The following APBB1 variants were observed in gnomAD, a reference collection of about 807,000 sequenced individuals.
APBB1 encodes amyloid beta precursor protein binding family B member 1.
In APBB1, 22 loss-of-function variants were observed where a neutral mutation model predicts 78.4. That is an observed-to-expected ratio of 0.28 (90% CI 0.20 to 0.40). The LOEUF (loss-of-function observed/expected upper bound fraction) is 0.40, where lower values mean the gene tolerates loss of function less well. APBB1 is among the 10% of genes least tolerant of loss of function. APBB1 has a pLI of 1.00. For missense variants in APBB1, 749 were observed against 932.4 expected, an observed-to-expected ratio of 0.80 and a Z score of 2.56; for synonymous variants, 369 against 372.7, an observed-to-expected ratio of 0.99 and a Z score of 0.12.
Position 6,414,640 on chromosome 11 carries a change from G to C in APBB1, c.-14-3279C>G, listed in dbSNP as rs150356990. ...GGGAGGGTGTCAGAGAATGCCAAAG[G>C]GTCCCTGAGTGGGAAGTAAGATGGG... On this transcript the variant is annotated intron_variant, in intron 1 of 14. Transcript: ENST00000609360. Among the ~76,000 whole-genome samples, 753 of 152,276 alleles carry C rather than the reference G, an allele frequency of 4.9e-3. 5 individuals are homozygous for C. Among genetic ancestry groups the C allele is most frequent in the Non-Finnish European group, 8.4e-3 (571 of 68,020 alleles).
chr11:6,415,427 T>A (rs1299179182), intron 1 of APBB1, among the ~76,000 whole-genome samples: 1 of 152,202 alleles, frequency 6.6e-6, no homozygotes, highest in Non-Finnish European at 1.5e-5. Context: ...GAGTTCTCAG[T>A]TCAGCGGGAA....
chr11:6,404,956 T>A, intron 2 of APBB1: 1 of 1,438,988 alleles, frequency 6.9e-7, no homozygotes. Context: ...CCTCCCCCGC[T>A]TGGAGCTTGC....
At chr11:6,419,410 C>T (rs941059186), upstream of APBB1, 6 of 171,038 alleles carry the variant, frequency 3.5e-5, no homozygotes, top group Non-Finnish European at 4.9e-5. Context: ...GGGGCTGGAG[C>T]CCGAATGGCG....
At position 6,411,318 on chromosome 11, in the gene APBB1, C is replaced by T. The variant is rs777578946; in HGVS notation, c.30G>A (p.Ser10=). Reference sequence around the variant, plus strand: ...CTCCGTGGCTGTTGGCATTAATGGCCGACTGGCTCAGTGATGATGGAACAG... The same window carrying T: ...CTCCGTGGCTGTTGGCATTAATGGCTGACTGGCTCAGTGATGATGGAACAG... MSVPSSLSQ[S]AINANSHGGP... is the part of the protein sequence containing the mutation. Residue 10 remains serine (S), a synonymous_variant, in exon 2 of 15, where the codon TCG becomes TCA. Coordinates refer to ENST00000609360, the MANE Select transcript of APBB1 (RefSeq NM_001164.5). The surrounding 1 kb of genome is among the most constrained non-coding windows in gnomAD (Gnocchi z 5.2). 25 of 1,552,618 alleles carry T rather than the reference C, an allele frequency of 1.6e-5. No individual in the cohort carries two copies. The highest frequency in any genetic ancestry group is 1.7e-4 in the Middle Eastern group (1 of 5,754).
At position 6,395,493 on chromosome 11, in the gene APBB1, G is replaced by T; in HGVS notation, c.*41C>A. ...CCTGACCCACACCCTTTAGTTCCCT[G>T]GGGCCCAACACAAGCAGGTGGAGGG... On this transcript the variant is annotated 3_prime_UTR_variant, in exon 15 of 15. Transcript: ENST00000609360. This position sits in a 1 kb window ranked among gnomAD's most constrained non-coding sequence, Gnocchi z 5.2. The T allele has an allele frequency of 6.7e-7, 1 of 1,502,592 alleles. No individual in the cohort carries two copies. The highest frequency in any genetic ancestry group is 1.4e-5 in the African/African-American group (1 of 71,882). The allele number at this position is 1,502,592 out of a possible 1,614,324, so 93.1% of individuals were successfully genotyped here.
intron 12 of APBB1, chr11:6,396,532 C>A (rs777035301): frequency 3.9e-5 from 13 of 333,784 alleles, no homozygotes; most frequent in Non-Finnish European, 7.2e-5. Flanking sequence ...GCTCTCTCAG[C>A]GCTCATCACA....
rs1451423574 is a variant in APBB1, at chr11:6,403,043, G to T, written c.1104+102C>A. 8.7e-7 allele frequency: 1 copy of T among 1,154,470 alleles called. No homozygotes were observed. Among genetic ancestry groups the T allele is most frequent in the Non-Finnish European group, 1.2e-6 (1 of 805,096 alleles). The allele number at this position is 1,154,470 out of a possible 1,614,324, so 71.5% of individuals were successfully genotyped here. ...GAGACTGGAAGAACTCCTAACTCAGGACCTGGGGAACTGCGCTGAGACCCC... is the reference window on the plus strand; with the variant it reads ...GAGACTGGAAGAACTCCTAACTCAGTACCTGGGGAACTGCGCTGAGACCCC... On this transcript the variant is annotated intron_variant, in intron 6 of 14. Coordinates refer to ENST00000609360, the MANE Select transcript of APBB1 (RefSeq NM_001164.5). This position sits in a 1 kb window ranked among gnomAD's most constrained non-coding sequence, Gnocchi z 5.3.
intron 12 of APBB1, 145 bp downstream of exon 12, chr11:6,400,844 G>T: frequency 1.3e-6 from 1 of 792,118 alleles, no homozygotes; most frequent in Non-Finnish European, 2.2e-6. Context: ...TAGGACAGAA[G>T]TATGGGGAGG....
At chr11:6,408,160 G>T (rs1352950051) in intron 2 of APBB1, among the ~76,000 whole-genome samples, 1 of 152,178 alleles carries the variant, frequency 6.6e-6, no homozygotes, top group South Asian at 2.1e-4. Flanking sequence ...TCTGATCAAG[G>T]CTCTAGAACT....
At chr11:6,404,960 A>C (rs1252736994) in intron 2 of APBB1, 2 of 1,437,910 alleles carry the variant, frequency 1.4e-6, no homozygotes, top group Non-Finnish European at 1.8e-6. Context: ...CCCCGCTTGG[A>C]GCTTGCTAGG....
In APBB1 at chr11:6,403,693, C is replaced by A; in HGVS notation, c.851G>T (p.Gly284Val). The A allele has an allele frequency of 6.2e-7, 1 of 1,608,572 alleles. No homozygotes were observed. Among genetic ancestry groups the A allele is most frequent in the Non-Finnish European group, 8.5e-7 (1 of 1,176,586 alleles). The change falls in exon 3 of 15, where the codon GGC becomes GTC. Residue 284 changes from glycine (G) to valine (V), a missense_variant. This residue lies in a region of APBB1 where 635 missense variants were observed against 765.0 expected (regional missense o/e 0.83). Coordinates refer to ENST00000609360, the MANE Select transcript of APBB1 (RefSeq NM_001164.5). This position sits in a 1 kb window ranked among gnomAD's most constrained non-coding sequence, Gnocchi z 5.3. ...GCTCCCCTGTGAGGGGGAGGCCCGG[C>A]CGGGGGGTTCCCACTGGGTGGTCCC... ...PTGTTQWEPP[G>V]RASPSQGSSP...
intron 2 of APBB1, among the ~76,000 whole-genome samples, chr11:6,409,027 G>T (rs1335737935): frequency 2.0e-5 from 3 of 148,686 alleles, no homozygotes; most frequent in Non-Finnish European, 3.0e-5. Context: ...ATTGTGGTGG[G>T]TTTTTTTTTT....
In APBB1 at chr11:6,411,180, C is replaced by T. The variant is rs776340030; in HGVS notation, c.168G>A (p.Glu56=). 6.8e-6 allele frequency: 11 copies of T among 1,608,238 alleles called. No individual in the cohort carries two copies. The highest frequency in any genetic ancestry group is 8.5e-6 in the Non-Finnish European group (10 of 1,179,126). The change falls in exon 2 of 15, where the codon GAG becomes GAA. Residue 56 remains glutamate (E), a synonymous_variant. Transcript: ENST00000609360. This position sits in a 1 kb window ranked among gnomAD's most constrained non-coding sequence, Gnocchi z 5.2. The part of the protein sequence containing the change: ...GPKDLRSAMG[E]GGGPEPGPAN... ...CAGGGCCTGGCTCAGGCCCACCACC[C>T]TCCCCCATGGCGCTGCGCAGGTCCT...
At chr11:6,407,827 C>A (rs537446500) in intron 2 of APBB1, among the ~76,000 whole-genome samples, 1 of 147,172 alleles carries the variant, frequency 6.8e-6, no homozygotes, top group African/African-American at 2.6e-5. Context: ...GGCCGGACTG[C>A]GGACTGCAGT....
Position 6,401,550 on chromosome 11 carries a change from T to C in APBB1, c.1503+24A>G, listed in dbSNP as rs779065134. The C allele has an allele frequency of 1.9e-6, 3 of 1,614,084 alleles. No homozygotes were observed. The highest frequency in any genetic ancestry group is 2.2e-5 in the East Asian group (1 of 44,874). On this transcript the variant is annotated intron_variant, in intron 10 of 14. Transcript: ENST00000609360. This position sits in a 1 kb window ranked among gnomAD's most constrained non-coding sequence, Gnocchi z 4.5. ...CTTGTAGAGCAAAGGTGGCAACTAG[T>C]CCAGGGAGTGGAGGGGGCCGTGCCT... is the stretch of plus-strand genomic sequence containing the variant.
Position 6,395,582 on chromosome 11 carries a change from C to T in APBB1, c.2085G>A (p.Ser695=), listed in dbSNP as rs148015351. ...GTTTGGGCTTCAGGGAGCCCCACAG[C>T]GACTGAACACCCCTGCGGACAGTCC... ...VGWTVRRGVQ[S]LWGSLKPKRL... The change falls in exon 15 of 15, where the codon TCG becomes TCA. Residue 695 remains serine (S), a synonymous_variant. Coordinates refer to ENST00000609360, the MANE Select transcript of APBB1 (RefSeq NM_001164.5). The surrounding 1 kb of genome is among the most constrained non-coding windows in gnomAD (Gnocchi z 5.2). 27 of 1,583,462 alleles carry T rather than the reference C, an allele frequency of 1.7e-5. No individual in the cohort carries two copies. The highest frequency in any genetic ancestry group is 1.7e-4 in the Middle Eastern group (1 of 5,820).
rs533720771 is a variant in APBB1 at position 6,407,812 on chromosome 11, G to A, written c.721+2815C>T. 9.7e-3 allele frequency among the ~76,000 whole-genome samples: 1,386 copies of A among 142,974 alleles called. 30 individuals carry two copies. Among genetic ancestry groups the A allele is most frequent in the African/African-American group, 0.035 (1,289 of 37,124 alleles). The allele number at this position is 142,974 out of a possible 152,430, so 93.8% of individuals were successfully genotyped here. The stretch of plus-strand genomic sequence containing the variant: ...TTTTGAGACGGAGTCTCGCTCTGTC[G>A]CCCGGGCCGGACTGCGGACTGCAGT... On this transcript the variant is annotated intron_variant, in intron 2 of 14. Coordinates refer to ENST00000609360, the MANE Select transcript of APBB1 (RefSeq NM_001164.5).
chr11:6,402,055 C>T, intron 8 of APBB1, 27 bp downstream of exon 8: 1 of 1,612,024 alleles, frequency 6.2e-7, no homozygotes, highest in Non-Finnish European at 8.5e-7. Context: ...TGAACTCCCA[C>T]CCTCGAATCC....
At chr11:6,417,902 T>C (rs1366728139) in intron 1 of APBB1, among the ~76,000 whole-genome samples, 1 of 152,230 alleles carries the variant, frequency 6.6e-6, no homozygotes, top group Non-Finnish European at 1.5e-5. Context: ...TTGGAATCTA[T>C]AGGTTTGGAA....
Sources: gnomAD v4.1 joint callset for allele counts (sites outside exome capture counted in the v4.1 genomes callset) on GRCh38, gnomAD v4.1.1 for gene constraint, gnomAD v4.1.1 regional missense constraint, Gnocchi (gnomAD v3.1) non-coding constraint, MANE v1.5 for transcripts, NCBI Gene and HGNC (gene_info 2026-07-23, HGNC 2026-07-21) for gene names.